Variants in RPS6KC1 observed in about 807,000 individuals in gnomAD.
RPS6KC1 encodes the protein inactive ribosomal protein S6 kinase delta-1.
RPS6KC1 carries 54 observed loss-of-function variants against 103.8 expected under a neutral mutation model. The ratio of observed to expected loss-of-function variants is 0.52; its 90% CI spans 0.42 to 0.65. The LOEUF is 0.65. RPS6KC1 is among the 30% of genes least tolerant of loss of function. The pLI is 0.00. For synonymous variants in RPS6KC1, 439 were observed against 438.7 expected, an observed-to-expected ratio of 1.00 and a Z score of -0.01; for missense variants, 1,151 against 1,253.8, an observed-to-expected ratio of 0.92 and a Z score of 1.24.
the RPS6KC1 span, among the ~76,000 whole-genome samples, chr1:213,410,837 A>G: frequency 1.3e-5 from 2 of 152,002 alleles, no homozygotes; most frequent in African/African-American, 4.8e-5. Flanking sequence ...TTTTTTTTAA[A>G]AAAGGGAAAT....
At chr1:213,745,015 A>C in the RPS6KC1 span, among the ~76,000 whole-genome samples, 1 of 152,330 alleles carries the variant, frequency 6.6e-6, no homozygotes, top group African/African-American at 2.4e-5. Flanking sequence ...GTCCAAACAC[A>C]AACACGCTGG....
At chr1:213,575,632 C>T in the RPS6KC1 span, among the ~76,000 whole-genome samples, 1 of 152,184 alleles carries the variant, frequency 6.6e-6, no homozygotes, top group Non-Finnish European at 1.5e-5. Flanking sequence ...CCTCCCTAGC[C>T]ATGCTGAACT....
chr1:213,340,967 A>T, the RPS6KC1 span, among the ~76,000 whole-genome samples: 1 of 152,252 alleles, frequency 6.6e-6, no homozygotes. Flanking sequence ...CCTGCCCTTT[A>T]TCAGGTAGTT....
chr1:213,135,013 G>A (rs944314155), intron 6 of RPS6KC1, among the ~76,000 whole-genome samples: 23 of 152,070 alleles, frequency 1.5e-4, no homozygotes, highest in African/African-American at 5.3e-4. Flanking sequence ...GATATCTCAG[G>A]GGGAAAGATT....
chr1:213,674,217 C>T, the RPS6KC1 span, among the ~76,000 whole-genome samples: 1 of 152,138 alleles, frequency 6.6e-6, no homozygotes, highest in African/African-American at 2.4e-5. Flanking sequence ...CAGGGTTTTG[C>T]CATGTTGGCC....
the RPS6KC1 span, among the ~76,000 whole-genome samples, chr1:213,679,200 G>T: frequency 6.6e-6 from 1 of 152,188 alleles, no homozygotes; most frequent in Admixed American, 6.5e-5. Flanking sequence ...CTTAGCACTC[G>T]TTGGCAATGT....
the RPS6KC1 span, among the ~76,000 whole-genome samples, chr1:213,746,615 A>G: frequency 6.6e-6 from 1 of 152,236 alleles, no homozygotes; most frequent in Non-Finnish European, 1.5e-5. Context: ...TTAAATTTTC[A>G]AAAGATTTGT....
chr1:213,453,596 C>T, the RPS6KC1 span, among the ~76,000 whole-genome samples: 9 of 152,198 alleles, frequency 5.9e-5, no homozygotes, highest in South Asian at 6.2e-4. Flanking sequence ...CCGTGAAAAG[C>T]AATTAGTGTG....
the RPS6KC1 span, among the ~76,000 whole-genome samples, chr1:213,463,930 C>T: frequency 6.6e-6 from 1 of 152,158 alleles, no homozygotes. Flanking sequence ...GAATAATCAA[C>T]ATTATAAATG....
intron 6 of RPS6KC1, among the ~76,000 whole-genome samples, chr1:213,166,500 C>G (rs370962767): frequency 5.3e-5 from 8 of 152,080 alleles, no homozygotes; most frequent in Non-Finnish European, 2.9e-5. Flanking sequence ...GCCTTTAGGA[C>G]GTAAGCAGAT....
chr1:213,151,192 G>A (rs1215257439), intron 6 of RPS6KC1, among the ~76,000 whole-genome samples: 19 of 129,252 alleles, frequency 1.5e-4, no homozygotes, highest in African/African-American at 3.7e-4. Context: ...CCTCCCTCCC[G>A]GATGGGGCGG....
chr1:213,569,324 A>G, the RPS6KC1 span, among the ~76,000 whole-genome samples: 2 of 152,142 alleles, frequency 1.3e-5, no homozygotes, highest in African/African-American at 2.4e-5. Flanking sequence ...TGTCTGTTGC[A>G]TTGTAAATGT....
chr1:213,308,298 A>G, the RPS6KC1 span, among the ~76,000 whole-genome samples: 1,302 of 143,354 alleles, frequency 9.1e-3, 7 homozygotes, highest in Non-Finnish European at 0.013. Flanking sequence ...TGGGTGACAG[A>G]GTGAGACCCT....
chr1:213,809,429 C>A, the RPS6KC1 span, among the ~76,000 whole-genome samples: 2 of 151,850 alleles, frequency 1.3e-5, no homozygotes, highest in African/African-American at 4.8e-5. Flanking sequence ...AAAATGAGAC[C>A]CAGAGACACA....
chr1:213,671,930 T>C, the RPS6KC1 span, among the ~76,000 whole-genome samples: 1 of 151,274 alleles, frequency 6.6e-6, no homozygotes, highest in Non-Finnish European at 1.5e-5. Flanking sequence ...ATATGATTAT[T>C]GCTTGTCTAT....
the RPS6KC1 span, among the ~76,000 whole-genome samples, chr1:213,302,671 C>A: frequency 6.6e-6 from 1 of 152,106 alleles, no homozygotes; most frequent in Non-Finnish European, 1.5e-5. Flanking sequence ...TGTGGCTCAT[C>A]CACATGTGGG....
chr1:213,606,895 GAC>G, the RPS6KC1 span, among the ~76,000 whole-genome samples: 3 of 152,330 alleles, frequency 2.0e-5, no homozygotes, highest in Admixed American at 2.0e-4. Context: ...CATTGTAATA[GAC>G]ACCTTGTGTA....
chr1:213,069,447 T>G (rs2078667510), intron 1 of RPS6KC1, among the ~76,000 whole-genome samples: 1 of 152,210 alleles, frequency 6.6e-6, no homozygotes, highest in Admixed American at 6.5e-5. Context: ...GGCCAGGCAG[T>G]TAGTATTATC....
the RPS6KC1 span, among the ~76,000 whole-genome samples, chr1:213,572,197 C>A: frequency 1.3e-5 from 2 of 152,166 alleles, no homozygotes; most frequent in African/African-American, 4.8e-5. Flanking sequence ...GTCTCGGAGG[C>A]CAAGCCCCGT....
Sources: gnomAD v4.1 joint callset for allele counts (sites outside exome capture counted in the v4.1 genomes callset) on GRCh38, gnomAD v4.1.1 for gene constraint, MANE v1.5 for transcripts, NCBI Gene and HGNC (gene_info 2026-07-23, HGNC 2026-07-21) for gene names.